Variants in RBFOX1 observed in about 807,000 individuals in gnomAD.
RBFOX1 encodes RNA binding protein fox-1 homolog 1.
A neutral mutation model predicts 57.7 loss-of-function variants in RBFOX1; 8 were observed. That is an observed-to-expected ratio of 0.14 (90% CI 0.08 to 0.25). The LOEUF (loss-of-function observed/expected upper bound fraction) is 0.25. RBFOX1 is among the 10% of genes least tolerant of loss of function. The probability of loss-of-function intolerance (pLI) is 1.00; values close to 1 mark genes in which losing one functional copy is unlikely to be tolerated. For synonymous variants in RBFOX1, 326 were observed against 222.4 expected (o/e 1.47, Z -4.15); for missense variants, 611 against 548.5 (o/e 1.11, Z -1.14).
chr16:6,843,652 G>A (rs1024350074), intron 3 of RBFOX1, among the ~76,000 whole-genome samples: 10 of 152,154 alleles, frequency 6.6e-5, no homozygotes, highest in South Asian at 2.1e-4. Flanking sequence ...TCGCGCCACC[G>A]CACTCCAGCC....
At chr16:7,158,201 C>T (rs2152348862) in intron 4 of RBFOX1, among the ~76,000 whole-genome samples, 1 of 152,162 alleles carries the variant, frequency 6.6e-6, no homozygotes, top group South Asian at 2.1e-4. Flanking sequence ...CAAAAATTAG[C>T]CGAGCGTGCC....
intron 1 of RBFOX1, among the ~76,000 whole-genome samples, chr16:6,253,248 C>G (rs8050125): frequency 6.6e-6 from 1 of 152,286 alleles, no homozygotes; most frequent in South Asian, 2.1e-4. Context: ...TAAAAGCAGT[C>G]TGATTGACTT....
chr16:5,610,501 G>A (rs954626700), intron 3 of RBFOX1: 7 of 152,124 alleles, frequency 4.6e-5, no homozygotes, highest in African/African-American at 1.4e-4. Context: ...CTTGGCAGGG[G>A]TATTAAAAAC....
intron 2 of RBFOX1, among the ~76,000 whole-genome samples, chr16:6,465,720 A>G (rs1012220823): frequency 6.6e-6 from 1 of 151,580 alleles, no homozygotes; most frequent in Non-Finnish European, 1.5e-5. Flanking sequence ...TTTGTGCTAA[A>G]AGGGAAGAAT....
rs117012129 is a variant in RBFOX1, at chr16:7,282,882, G to A, written c.27+230784G>A. 5.1e-3 allele frequency among the ~76,000 whole-genome samples: 777 copies of A among 152,244 alleles called. 5 individuals carry two copies. The highest frequency in any genetic ancestry group is 8.7e-3 in the Non-Finnish European group (589 of 68,022). On this transcript the variant is annotated intron_variant, in intron 4 of 15. Transcript: ENST00000550418. Reference sequence around the variant, plus strand: ...TCACTTAGAATAATAGTCTCCAATCGCATCCAGGTTGCTGCAACTGCGATT... The same window carrying A: ...TCACTTAGAATAATAGTCTCCAATCACATCCAGGTTGCTGCAACTGCGATT...
intron 1 of RBFOX1, among the ~76,000 whole-genome samples, chr16:5,250,498 C>T (rs535299305): frequency 6.6e-6 from 1 of 152,200 alleles, no homozygotes; most frequent in African/African-American, 2.4e-5. Context: ...GTTCAACTCC[C>T]ACTTATGAGT....
At chr16:7,581,911 C>G (rs1428023231) in intron 6 of RBFOX1, among the ~76,000 whole-genome samples, 2 of 151,902 alleles carry the variant, frequency 1.3e-5, no homozygotes, top group African/African-American at 2.4e-5. Flanking sequence ...GAGATGGGGT[C>G]TCAATTTGTT....
intron 3 of RBFOX1, among the ~76,000 whole-genome samples, chr16:6,754,476 A>T (rs1275110151): frequency 2.6e-5 from 4 of 152,198 alleles, no homozygotes; most frequent in African/African-American, 9.6e-5. Flanking sequence ...CCACAATTTC[A>T]GCTCCTCTTT....
intron 2 of RBFOX1, among the ~76,000 whole-genome samples, chr16:6,511,475 A>G (rs541674967): frequency 2.0e-5 from 3 of 152,324 alleles, no homozygotes; most frequent in South Asian, 4.1e-4. Flanking sequence ...ATTTTAAAAC[A>G]TGCGCTTTTA....
chr16:7,490,742 T>A (rs2066714278), intron 4 of RBFOX1, among the ~76,000 whole-genome samples: 1 of 152,128 alleles, frequency 6.6e-6, no homozygotes, highest in South Asian at 2.1e-4. Flanking sequence ...AACCTCAAAT[T>A]GTTCATTATC....
At chr16:6,904,599 T>TAAAAAAAAAAA (rs71147623) in intron 3 of RBFOX1, among the ~76,000 whole-genome samples, 3 of 64,000 alleles carry the variant, frequency 4.7e-5, no homozygotes, top group Non-Finnish European at 8.3e-5. Flanking sequence ...AGACTCTCTC[T>TAAAAAAAAAAA]AAAAAAAAAA....
intron 2 of RBFOX1, among the ~76,000 whole-genome samples, chr16:6,543,106 G>A (rs1567620133): frequency 6.6e-6 from 1 of 152,242 alleles, no homozygotes; most frequent in Non-Finnish European, 1.5e-5. Flanking sequence ...AATAAGCTCC[G>A]TGTTTAGCAG....
intron 3 of RBFOX1, among the ~76,000 whole-genome samples, chr16:5,617,486 G>A (rs1184274790): frequency 5.3e-5 from 8 of 152,148 alleles, no homozygotes; most frequent in African/African-American, 1.9e-4. Context: ...CAATCATCAG[G>A]CTTGTTCCCC....
At chr16:6,641,118 C>T (rs183288366) in intron 2 of RBFOX1, among the ~76,000 whole-genome samples, 282 of 152,272 alleles carry the variant, frequency 1.9e-3, no homozygotes, top group Non-Finnish European at 2.7e-3. Context: ...ATAATTGCAT[C>T]CTCAAAACCT....
intron 1 of RBFOX1, among the ~76,000 whole-genome samples, chr16:5,406,054 C>G (rs1011540808): frequency 5.9e-5 from 9 of 152,198 alleles, no homozygotes; most frequent in African/African-American, 2.2e-4. Context: ...TGGGAGTTCT[C>G]TTACTTGCAA....
At chr16:5,564,355 C>T (rs2045988716) in intron 2 of RBFOX1, among the ~76,000 whole-genome samples, 1 of 152,102 alleles carries the variant, frequency 6.6e-6, no homozygotes, top group Admixed American at 6.6e-5. Context: ...CATTTTCTTT[C>T]ACCTTCTGCC....
intron 3 of RBFOX1, among the ~76,000 whole-genome samples, chr16:6,924,891 T>C (rs1298240923): frequency 7.4e-6 from 1 of 134,612 alleles, no homozygotes; most frequent in East Asian, 2.5e-4. Context: ...CCTGTGTCCA[T>C]GTGTTCTCAT....
intron 4 of RBFOX1, among the ~76,000 whole-genome samples, chr16:7,188,358 C>T (rs189823522): frequency 1.5e-4 from 23 of 152,150 alleles, no homozygotes; most frequent in Non-Finnish European, 2.5e-4. Flanking sequence ...TTAGAATGTT[C>T]TGATATTTTC....
intron 4 of RBFOX1, among the ~76,000 whole-genome samples, chr16:7,055,654 T>G (rs768899285): frequency 1.3e-5 from 2 of 152,120 alleles, no homozygotes; most frequent in Non-Finnish European, 2.9e-5. Flanking sequence ...CATCAATCAC[T>G]GGCAAGGTGA....
Sources: allele counts gnomAD v4.1 joint callset (sites outside exome capture counted in the v4.1 genomes callset), GRCh38; gene constraint gnomAD v4.1.1; transcripts MANE v1.5; gene names NCBI Gene and HGNC (gene_info 2026-07-23, HGNC 2026-07-21).